Variants in ZNF654 observed in about 807,000 individuals in gnomAD.
The protein encoded by ZNF654 is melanoma-associated antigen.
ZNF654 carries 19 observed loss-of-function variants against 95.3 expected under a neutral mutation model. The observed-to-expected ratio is 0.20, with a 90% CI of 0.14 to 0.29. ZNF654 has a LOEUF of 0.29. Among genes scored for constraint, ZNF654 ranks in the 10% least tolerant of loss-of-function variants. The pLI, the probability that ZNF654 is intolerant of heterozygous loss-of-function variation, is 1.00. For missense variants in ZNF654, 1,046 were observed against 1,341.0 expected (o/e 0.78, Z 3.44); for synonymous variants, 413 against 457.9 (o/e 0.90, Z 1.25).
chr3:88,091,516 A>G (rs1708629043), intron 2 of ZNF654, among the ~76,000 whole-genome samples: 1 of 152,162 alleles, frequency 6.6e-6, no homozygotes, highest in African/African-American at 2.4e-5. Context: ...GAAAATTCTT[A>G]TACAACTTTC....
At chr3:88,127,412 C>T (rs1324445981) in intron 4 of ZNF654, among the ~76,000 whole-genome samples, 1 of 148,902 alleles carries the variant, frequency 6.7e-6, no homozygotes, top group African/African-American at 2.5e-5. Flanking sequence ...AAAAAGGACA[C>T]TGGTGTTTGA....
intron 4 of ZNF654, among the ~76,000 whole-genome samples, chr3:88,126,579 CTTTTTTTTTTTT>C (rs144091813): frequency 3.7e-5 from 3 of 81,744 alleles, no homozygotes; most frequent in Non-Finnish European, 4.7e-5. Flanking sequence ...GTAGAAACAT[CTTTTTTTTTTTT>C]TTTTTTTTTT....
At chr3:88,118,165 G>C (rs4287925) in intron 3 of ZNF654, among the ~76,000 whole-genome samples, 143,133 of 152,158 alleles carry the variant, frequency 0.94, 67,848 homozygotes, top group Non-Finnish European at 1. Context: ...ATCCTTATCC[G>C]GTGAAGCCAG....
intron 7 of ZNF654, among the ~76,000 whole-genome samples, chr3:88,137,551 A>G (rs1229549503): frequency 1.2e-4 from 19 of 152,184 alleles, no homozygotes; most frequent in South Asian, 6.2e-4. Flanking sequence ...GAGGACATAC[A>G]CATACACAGA....
chr3:88,129,066 C>A lies in ZNF654; in HGVS notation c.753+55C>A, dbSNP rs563906302. 5.6e-4 allele frequency: 700 copies of A among 1,249,128 alleles called. 2 individuals carry two copies. Among genetic ancestry groups the A allele is most frequent in the South Asian group, 1.4e-3 (85 of 62,088 alleles). 77.4% of individuals were successfully genotyped at this position (1,249,128 alleles called of 1,614,324 possible). On this transcript the variant is annotated intron_variant, in intron 5 of 8. Coordinates refer to ENST00000636215, the MANE Select transcript of ZNF654 (RefSeq NM_001350134.2). ...CCATTTTAACCCTACCAAAAAAAAA[C>A]CAAAAAAAAAAAGTAGCCCACTGTT...
chr3:88,122,339 T>C (rs527520352), intron 3 of ZNF654, among the ~76,000 whole-genome samples: 2 of 152,252 alleles, frequency 1.3e-5, no homozygotes, highest in African/African-American at 4.8e-5. Flanking sequence ...AGTCCTTAAA[T>C]TTGAGATTAA....
At chr3:88,130,617 ATT>A (rs10674029) in intron 6 of ZNF654, among the ~76,000 whole-genome samples, 1 of 129,202 alleles carries the variant, frequency 7.7e-6, no homozygotes, top group African/African-American at 2.9e-5. Flanking sequence ...TGCCCAGCTA[ATT>A]TTTTTTTTTT....
chr3:88,076,060 G>A (rs1281480486), intron 1 of ZNF654, among the ~76,000 whole-genome samples: 1 of 152,160 alleles, frequency 6.6e-6, no homozygotes, highest in Non-Finnish European at 1.5e-5. Flanking sequence ...GTCGTTTGTG[G>A]TAACTATTCA....
chr3:88,096,173 A>G (rs1704047017), intron 2 of ZNF654, among the ~76,000 whole-genome samples: 1 of 152,052 alleles, frequency 6.6e-6, no homozygotes. Flanking sequence ...ATTAAGTAGA[A>G]GGAACTTATT....
intron 6 of ZNF654, among the ~76,000 whole-genome samples, chr3:88,132,938 A>G (rs890958863): frequency 6.6e-6 from 1 of 152,158 alleles, no homozygotes; most frequent in Non-Finnish European, 1.5e-5. Context: ...AGCTACATGA[A>G]AGCTACATGG....
At chr3:88,070,917 C>CT (rs1015569001) in intron 1 of ZNF654, among the ~76,000 whole-genome samples, 6 of 152,062 alleles carry the variant, frequency 3.9e-5, no homozygotes, top group African/African-American at 1.2e-4. Flanking sequence ...ATGATGGATA[C>CT]TTTTTTTCTC....
At chr3:88,060,469 A>G (rs1317154615) in intron 1 of ZNF654, among the ~76,000 whole-genome samples, 2 of 152,128 alleles carry the variant, frequency 1.3e-5, no homozygotes, top group Non-Finnish European at 2.9e-5. Context: ...TTTTTTTGCA[A>G]GCTATTTTGG....
Position 88,144,309 on chromosome 3 carries a change from G to C in ZNF654, c.*2657G>C, listed in dbSNP as rs1051087735. ...TGATTCTTTTCAAATCACACTGAAGGTTCAGCCGTACTCCTTTCATGTTTG... is the reference window on the plus strand; with the variant it reads ...TGATTCTTTTCAAATCACACTGAAGCTTCAGCCGTACTCCTTTCATGTTTG... On this transcript the variant is annotated 3_prime_UTR_variant, in exon 9 of 9. Coordinates refer to ENST00000636215, the MANE Select transcript of ZNF654 (RefSeq NM_001350134.2). The C allele has an allele frequency of 8.5e-5, 13 of 152,202 alleles. No individual in the cohort carries two copies. Among genetic ancestry groups the C allele is most frequent in the African/African-American group, 2.9e-4 (12 of 41,366 alleles). 9.4% of individuals were successfully genotyped at this position (152,202 alleles called of 1,614,324 possible). A position where few individuals can be genotyped will look rare whatever the true frequency, so the allele number is the denominator to read the frequency against.
At chr3:88,133,466 G>T (rs150075451) in intron 6 of ZNF654, among the ~76,000 whole-genome samples, 2 of 152,194 alleles carry the variant, frequency 1.3e-5, no homozygotes, top group Non-Finnish European at 2.9e-5. Context: ...TCAGTAAGAG[G>T]GATCTTTTCT....
chr3:88,081,454 G>A (rs1708071925), intron 1 of ZNF654, among the ~76,000 whole-genome samples: 1 of 152,090 alleles, frequency 6.6e-6, no homozygotes, highest in Non-Finnish European at 1.5e-5. Flanking sequence ...TGCAACATTT[G>A]TCATTGTGGT....
intron 2 of ZNF654, among the ~76,000 whole-genome samples, chr3:88,091,708 G>T (rs1007400759): frequency 6.6e-6 from 1 of 152,112 alleles, no homozygotes; most frequent in African/African-American, 2.4e-5. Context: ...TTCCTGTGCT[G>T]TTCTCATGAT....
chr3:88,086,180 T>C (rs1343809941), intron 1 of ZNF654, 77 bp from the exon 2 acceptor site: 1 of 1,368,456 alleles, frequency 7.3e-7, no homozygotes, highest in Admixed American at 2.3e-5. Context: ...ATTTATCCAG[T>C]AACTTTTATG....
At position 88,059,988 on chromosome 3, in the gene ZNF654, C is replaced by G. The variant is rs753343716; in HGVS notation, c.186+483C>G. On this transcript the variant is annotated intron_variant, in intron 1 of 8. Coordinates refer to ENST00000636215, the MANE Select transcript of ZNF654 (RefSeq NM_001350134.2). ...TTTCCTGTCACTGCCACTGTTCCCC[C>G]TCTTCTAGGGTCTCCTGTCATCCCC... 6.6e-5 allele frequency among the ~76,000 whole-genome samples: 10 copies of G among 152,026 alleles called. No individual in the cohort carries two copies. The East Asian group carries it at 1.5e-3, about 24-fold the overall frequency.
At position 88,140,546 on chromosome 3, in the gene ZNF654, G is replaced by A; in HGVS notation, c.2877G>A (p.Lys959=). 1 of 1,613,704 alleles carries A rather than the reference G, an allele frequency of 6.2e-7. No homozygotes were observed. The highest frequency in any genetic ancestry group is 8.5e-7 in the Non-Finnish European group (1 of 1,179,724). ...CAAATATAAGCTTGATAGACCAAAA[G>A]ATGCCTGACATAGAGCCAAATTCTG... The part of the protein sequence containing the change: ...TVSNISLIDQ[K]MPDIEPNSEN... Residue 959 remains lysine (K), a synonymous_variant, in exon 8 of 9, where the codon AAG becomes AAA. Transcript: ENST00000636215.
Sources: gnomAD v4.1 joint callset for allele counts (sites outside exome capture counted in the v4.1 genomes callset) on GRCh38, gnomAD v4.1.1 for gene constraint, MANE v1.5 for transcripts, NCBI Gene and HGNC (gene_info 2026-07-23, HGNC 2026-07-21) for gene names.